SOX5: variants seen among roughly 807,000 people sequenced by gnomAD.
SOX5 encodes the protein SRY-box transcription factor 5, also known as transcription factor SOX-5.
In SOX5, 9 loss-of-function variants were observed where a neutral mutation model predicts 92.0. The observed-to-expected ratio is 0.10, with a 90% CI of 0.06 to 0.17. The LOEUF (loss-of-function observed/expected upper bound fraction) is 0.17, where lower values mean the gene tolerates loss of function less well. Among genes scored for constraint, SOX5 ranks in the 10% least tolerant of loss-of-function variants. SOX5 has a pLI of 1.00. For missense variants in SOX5, 642 were observed against 944.5 expected, an observed-to-expected ratio of 0.68 and a Z score of 4.20; for synonymous variants, 344 against 336.3, an observed-to-expected ratio of 1.02 and a Z score of -0.25.
At chr12:23,986,946 C>A (rs1405675923) in intron 4 of SOX5, among the ~76,000 whole-genome samples, 1 of 152,080 alleles carries the variant, frequency 6.6e-6, no homozygotes, top group African/African-American at 2.4e-5. Flanking sequence ...TTTTAAAAAT[C>A]ACTTTCACTC....
At chr12:23,559,961 A>G (rs955846019) in intron 11 of SOX5, among the ~76,000 whole-genome samples, 2 of 152,018 alleles carry the variant, frequency 1.3e-5, no homozygotes, top group African/African-American at 4.8e-5. Flanking sequence ...CCCAGGCTGG[A>G]GTACAATGGC....
chr12:24,014,878 T>A (rs944593123), intron 4 of SOX5, among the ~76,000 whole-genome samples: 1 of 152,122 alleles, frequency 6.6e-6, no homozygotes, highest in Non-Finnish European at 1.5e-5. Flanking sequence ...TTTCATTAAG[T>A]GCTTTTTGGG....
At chr12:23,827,270 A>G (rs2096248706) in intron 3 of SOX5, among the ~76,000 whole-genome samples, 2 of 152,332 alleles carry the variant, frequency 1.3e-5, no homozygotes, top group South Asian at 2.1e-4. Flanking sequence ...TAAACTGTCT[A>G]TCATGTTTCA....
intron 3 of SOX5, among the ~76,000 whole-genome samples, chr12:23,807,481 G>GAT (rs2095800485): frequency 1.3e-5 from 2 of 152,098 alleles, no homozygotes; most frequent in South Asian, 4.1e-4. Flanking sequence ...AGATTAGACT[G>GAT]ATATAGTTGC....
At chr12:23,730,410 C>T (rs185654142) in intron 6 of SOX5, among the ~76,000 whole-genome samples, 192 of 152,198 alleles carry the variant, frequency 1.3e-3, no homozygotes, top group African/African-American at 4.4e-3. Flanking sequence ...AGACAAACTT[C>T]TTAGTGCTTC....
At chr12:24,342,857 T>C (rs961370249) in intron 2 of SOX5, among the ~76,000 whole-genome samples, 1 of 152,208 alleles carries the variant, frequency 6.6e-6, no homozygotes, top group African/African-American at 2.4e-5. Flanking sequence ...AAATGGTAAA[T>C]AGAAAACCTT....
chr12:23,553,663 T>G (rs750322167), intron 11 of SOX5, among the ~76,000 whole-genome samples: 1 of 152,064 alleles, frequency 6.6e-6, no homozygotes, highest in African/African-American at 2.4e-5. Context: ...TTATACATAC[T>G]GAGTCAAATC....
chr12:24,238,829 G>A lies in SOX5; in HGVS notation c.-76-25412C>T, dbSNP rs145992038. On this transcript the variant is annotated intron_variant, in intron 3 of 4. Coordinates refer to the SOX5 transcript ENST00000446891. ...CAACCTAATTCCCATTTTGCACATG[G>A]CATGTTAAAGTGTACTCCAAAGCAG... Among the ~76,000 whole-genome samples, 8 of 152,234 alleles carry A rather than the reference G, an allele frequency of 5.3e-5. No homozygotes were observed. In the East Asian group the frequency reaches 1.5e-3, roughly 29 times the overall value.
At chr12:23,700,628 A>G (rs1367887621) in intron 6 of SOX5, among the ~76,000 whole-genome samples, 1 of 152,062 alleles carries the variant, frequency 6.6e-6, no homozygotes, top group Admixed American at 6.6e-5. Flanking sequence ...GGCCACTACA[A>G]TTTTAAATGT....
At chr12:23,867,528 TA>T (rs1201520160) in intron 2 of SOX5, among the ~76,000 whole-genome samples, 1 of 152,152 alleles carries the variant, frequency 6.6e-6, no homozygotes, top group Non-Finnish European at 1.5e-5. Context: ...GGTAAATATA[TA>T]AAAACACAAG....
At chr12:23,567,084 T>C (rs968000367) in intron 10 of SOX5, among the ~76,000 whole-genome samples, 2 of 152,224 alleles carry the variant, frequency 1.3e-5, no homozygotes, top group Admixed American at 6.5e-5. Flanking sequence ...CTCTTAGCAC[T>C]CTTATTAACA....
At position 24,436,758 on chromosome 12, in the gene SOX5, AGAG is replaced by A. The variant is rs367720268; in HGVS notation, c.-250-68122_-250-68120del. Among the ~76,000 whole-genome samples the A allele has an allele frequency of 1.6e-4, 25 of 152,182 alleles. No homozygotes were observed. In the South Asian group the frequency reaches 5.0e-3, roughly 30 times the overall value. ...TGCCATCTAGGACTTTCACAGCTAG[AGAG>A]GAGAAGTCAATGCCTGGCTTCAAAG... On this transcript the variant is annotated intron_variant, in intron 1 of 4. Coordinates refer to the SOX5 transcript ENST00000446891.
At chr12:23,987,826 C>G (rs1950202026) in intron 4 of SOX5, among the ~76,000 whole-genome samples, 1 of 151,988 alleles carries the variant, frequency 6.6e-6, no homozygotes, top group South Asian at 2.1e-4. Flanking sequence ...TTCTAAGACA[C>G]ATGGTAAAAT....
intron 1 of SOX5, among the ~76,000 whole-genome samples, chr12:24,450,470 T>A (rs1050583142): frequency 3.4e-5 from 5 of 145,870 alleles, no homozygotes; most frequent in Non-Finnish European, 6.1e-5. Flanking sequence ...TGTGTATTTA[T>A]TTTATTTATT....
intron 3 of SOX5, among the ~76,000 whole-genome samples, chr12:23,782,623 A>G (rs2095304400): frequency 6.6e-6 from 1 of 152,196 alleles, no homozygotes; most frequent in African/African-American, 2.4e-5. Flanking sequence ...AGGTGCATTT[A>G]CTACAAATAA....
chr12:24,410,578 T>A (rs1297354153), intron 1 of SOX5, among the ~76,000 whole-genome samples: 1 of 152,234 alleles, frequency 6.6e-6, no homozygotes, highest in Non-Finnish European at 1.5e-5. Context: ...TGTTTTTTTC[T>A]GTTGAATTGC....
Position 23,850,451 on chromosome 12 carries a change from TA to T in SOX5, c.271-4259del, listed in dbSNP as rs1183824058. 2.4e-4 allele frequency among the ~76,000 whole-genome samples: 25 copies of T among 103,218 alleles called. 1 individual carries two copies. The highest frequency in any genetic ancestry group is 1.4e-3 in the South Asian group (4 of 2,872). The allele number at this position is 103,218 out of a possible 152,430, so 67.7% of individuals were successfully genotyped here. A position where few individuals can be genotyped will look rare whatever the true frequency, so the allele number is the denominator to read the frequency against. On this transcript the variant is annotated intron_variant, in intron 2 of 14. Coordinates refer to ENST00000451604, the MANE Select transcript of SOX5 (RefSeq NM_006940.6). ...TACAAAAAAAAAATAAATAAATAAATAAAAAAAAAATAAATAAAAAATAAAA... is the reference window on the plus strand; with the variant it reads ...TACAAAAAAAAAATAAATAAATAAATAAAAAAAAATAAATAAAAAATAAAA...
At chr12:24,066,190 T>C (rs777912465) in intron 4 of SOX5, among the ~76,000 whole-genome samples, 4 of 152,224 alleles carry the variant, frequency 2.6e-5, no homozygotes, top group Non-Finnish European at 4.4e-5. Context: ...TCTCTTCTCT[T>C]AATTATCAGT....
intron 4 of SOX5, among the ~76,000 whole-genome samples, chr12:23,967,356 T>G (rs960833840): frequency 6.6e-6 from 1 of 152,078 alleles, no homozygotes; most frequent in Non-Finnish European, 1.5e-5. Flanking sequence ...AAAAGTATAT[T>G]AAATATACAC....
Sources: allele counts gnomAD v4.1 joint callset (sites outside exome capture counted in the v4.1 genomes callset), GRCh38; gene constraint gnomAD v4.1.1; transcripts MANE v1.5; gene names NCBI Gene and HGNC (gene_info 2026-07-23, HGNC 2026-07-21).